The following ITPRIPL2 variants were observed in gnomAD, a reference collection of about 807,000 sequenced individuals.
The protein encoded by ITPRIPL2 is inositol 1,4,5-trisphosphate receptor-interacting protein-like 2.
Under a neutral mutation model 31.7 loss-of-function variants are expected in ITPRIPL2, and 29 were observed. That is an observed-to-expected ratio of 0.91 (90% CI 0.68 to 1.25). ITPRIPL2 has a LOEUF of 1.25. Ranked by LOEUF, ITPRIPL2 falls within the 50% of genes most tolerant of loss-of-function variation. The probability of loss-of-function intolerance (pLI) is 0.00; values close to 1 mark genes in which losing one functional copy is unlikely to be tolerated. For synonymous variants in ITPRIPL2, 344 were observed against 343.4 expected (o/e 1.00, Z -0.02); for missense variants, 696 against 739.1 (o/e 0.94, Z 0.68).
Position 19,116,838 on chromosome 16 carries a change from C to G in ITPRIPL2, c.*769C>G, listed in dbSNP as rs1005527210. ...CCAGTTATATTTATTATTAAATGTA[C>G]AACCTTGAAAAGCAGCCAGCATGCT... On this transcript the variant is annotated 3_prime_UTR_variant, in exon 1 of 1. Coordinates refer to ENST00000381440, the MANE Select transcript of ITPRIPL2 (RefSeq NM_001034841.4). 2.4e-5 allele frequency: 4 copies of G among 167,082 alleles called. No homozygotes were observed. The highest frequency in any genetic ancestry group is 2.1e-4 in the South Asian group (1 of 4,830). The allele number at this position is 167,082 out of a possible 1,614,324, so 10.3% of individuals were successfully genotyped here.
Position 19,114,778 on chromosome 16 carries a change from A to G in ITPRIPL2, c.317A>G (p.Glu106Gly). 1.2e-6 allele frequency: 2 copies of G among 1,612,242 alleles called. No homozygotes were observed. Among genetic ancestry groups the G allele is most frequent in the African/African-American group, 2.7e-5 (2 of 75,032 alleles). ...AGCATCCTGCTGGAGAGTTACTACGAGCATGAGGTGCGCCTGTCTCCGCAC... is the reference window on the plus strand; with the variant it reads ...AGCATCCTGCTGGAGAGTTACTACGGGCATGAGGTGCGCCTGTCTCCGCAC... ...GLSILLESYYEHEVRLSPHVL... is the reference protein window; with the variant it reads ...GLSILLESYYGHEVRLSPHVL... The change falls in exon 1 of 1, where the codon GAG becomes GGG. Residue 106 changes from glutamate (E) to glycine (G), a missense_variant. By Grantham distance (98) the Glu-to-Gly change is moderately conservative. Transcript: ENST00000381440.
Position 19,118,952 on chromosome 16 carries a change from C to G in ITPRIPL2, c.*2883C>G. 2.4e-6 allele frequency: 1 copy of G among 413,458 alleles called. No individual in the cohort carries two copies. Among genetic ancestry groups the G allele is most frequent in the East Asian group, 3.6e-5 (1 of 28,084 alleles). 25.6% of individuals were successfully genotyped at this position (413,458 alleles called of 1,614,324 possible). On this transcript the variant is annotated 3_prime_UTR_variant, in exon 1 of 1. Transcript: ENST00000381440. The stretch of plus-strand genomic sequence containing the variant: ...ACACATTTTTGGTGTATGCTTGGTA[C>G]TGGAGATTCATATATGCAAATATTC...
chr16:19,114,522 A>C lies in ITPRIPL2; in HGVS notation c.61A>C (p.Thr21Pro). ...VFWPLVTGLC[T>P]ALVCLYHVLR... ...CTGGCCCCTGGTGACCGGCCTGTGC[A>C]CCGCCCTGGTGTGCCTCTACCATGT... is the stretch of plus-strand genomic sequence containing the variant. Residue 21 changes from threonine to proline, a missense_variant, in exon 1 of 1, where the codon ACC becomes CCC. Coordinates refer to ENST00000381440, the MANE Select transcript of ITPRIPL2 (RefSeq NM_001034841.4). 4.1e-6 allele frequency: 6 copies of C among 1,475,672 alleles called. No individual in the cohort carries two copies. Among genetic ancestry groups the C allele is most frequent in the Non-Finnish European group, 4.5e-6 (5 of 1,113,810 alleles). The allele number at this position is 1,475,672 out of a possible 1,614,324, so 91.4% of individuals were successfully genotyped here.
chr16:19,120,626 T>TATATATATATATATATATATATATA lies in ITPRIPL2; in HGVS notation c.*4557_*4558insATATATATATATATATATATATATA, dbSNP rs1491422145. 1 of 83,740 alleles carries TATATATATATATATATATATATATA rather than the reference T, an allele frequency of 1.2e-5. No individual in the cohort carries two copies. Among genetic ancestry groups the TATATATATATATATATATATATATA allele is most frequent in the African/African-American group, 6.4e-5 (1 of 15,630 alleles). 5.2% of individuals were successfully genotyped at this position (83,740 alleles called of 1,614,324 possible). On this transcript the variant is annotated 3_prime_UTR_variant, in exon 1 of 1. Transcript: ENST00000381440. ...TAATATATATATATATATATATATATTTTTTTTTTTTTTTTTTAGTAGAGA... is the reference window on the plus strand; with the variant it reads ...TAATATATATATATATATATATATATATATATATATATATATATATATATATTTTTTTTTTTTTTTTTAGTAGAGA...
In ITPRIPL2 at chr16:19,114,642, T is replaced by G; in HGVS notation, c.181T>G (p.Tyr61Asp). Residue 61 changes from tyrosine (Y) to aspartate (D), a missense_variant, in exon 1 of 1, where the codon TAT becomes GAT. Transcript: ENST00000381440. ...GGTGGCCGTCCTGCTCCTCCTCAGCTATGTCCTCCTGCGCTGTCGCCACGC... is the reference window on the plus strand; with the variant it reads ...GGTGGCCGTCCTGCTCCTCCTCAGCGATGTCCTCCTGCGCTGTCGCCACGC... The part of the protein sequence containing the change: ...LKVAVLLLLS[Y>D]VLLRCRHAVR... 1.2e-6 allele frequency: 2 copies of G among 1,605,290 alleles called. No individual in the cohort carries two copies. Among genetic ancestry groups the G allele is most frequent in the Non-Finnish European group, 1.7e-6 (2 of 1,176,550 alleles).
Position 19,114,364 on chromosome 16 carries a change from C to A in ITPRIPL2, c.-98C>A. The A allele has an allele frequency of 1.0e-6, 1 of 975,776 alleles. No homozygotes were observed. Among genetic ancestry groups the A allele is most frequent in the Non-Finnish European group, 1.3e-6 (1 of 749,508 alleles). The allele number at this position is 975,776 out of a possible 1,614,324, so 60.4% of individuals were successfully genotyped here. On this transcript the variant is annotated 5_prime_UTR_variant, in exon 1 of 1. Coordinates refer to ENST00000381440, the MANE Select transcript of ITPRIPL2 (RefSeq NM_001034841.4). ...GCCGCCGCGGAGGAGGAGACGGGGA[C>A]AGCGGGGCTGCCCGGGCGCTGTGCG...
chr16:19,118,884 C>G lies in ITPRIPL2; in HGVS notation c.*2815C>G. 1 of 412,438 alleles carries G rather than the reference C, an allele frequency of 2.4e-6. No individual in the cohort carries two copies. The highest frequency in any genetic ancestry group is 4.4e-6 in the Non-Finnish European group (1 of 225,846). The allele number at this position is 412,438 out of a possible 1,614,324, so 25.5% of individuals were successfully genotyped here. On this transcript the variant is annotated 3_prime_UTR_variant, in exon 1 of 1. Coordinates refer to ENST00000381440, the MANE Select transcript of ITPRIPL2 (RefSeq NM_001034841.4). ...CAAGACAGTTAAATTAAGCTCAATTCTGTATTTTATTAGGGCTCTGTTATG... is the reference window on the plus strand; with the variant it reads ...CAAGACAGTTAAATTAAGCTCAATTGTGTATTTTATTAGGGCTCTGTTATG...
rs1316346765 is a variant in ITPRIPL2, at chr16:19,114,558, A to G, written c.97A>G (p.Ser33Gly). 1 of 1,539,296 alleles carries G rather than the reference A, an allele frequency of 6.5e-7. No individual in the cohort carries two copies. Among genetic ancestry groups the G allele is most frequent in the Admixed American group, 2.0e-5 (1 of 50,806 alleles). ...LVCLYHVLRG[S>G]GGARAEPADG... is the part of the protein sequence containing the mutation. ...GTGCCTCTACCATGTCCTGCGGGGA[A>G]GCGGGGGCGCCCGGGCCGAGCCCGC... Residue 33 changes from serine to glycine, a missense_variant, in exon 1 of 1, where the codon AGC becomes GGC. By Grantham distance (56) the Ser-to-Gly change is moderately conservative (BLOSUM62 0). Coordinates refer to ENST00000381440, the MANE Select transcript of ITPRIPL2 (RefSeq NM_001034841.4).
chr16:19,121,085 TA>T lies in ITPRIPL2; in HGVS notation c.*5017del, dbSNP rs989991683. On this transcript the variant is annotated 3_prime_UTR_variant, in exon 1 of 1. Transcript: ENST00000381440. ...TAAATCACTTGTTTAGATACAACTT[TA>T]TTTTTTTATACCTACATAGCACATG... 2 of 166,898 alleles carry T rather than the reference TA, an allele frequency of 1.2e-5. No individual in the cohort carries two copies. Among genetic ancestry groups the T allele is most frequent in the African/African-American group, 4.8e-5 (2 of 41,424 alleles). The allele number at this position is 166,898 out of a possible 1,614,324, so 10.3% of individuals were successfully genotyped here.
rs1305118689 is a variant in ITPRIPL2 at position 19,121,465 on chromosome 16, T to C, written c.*5396T>C. ...TGGTTCAGCTGCTACAATTGTATGA[T>C]TCAAAGGCAATTTAATCACCCCAAA... On this transcript the variant is annotated 3_prime_UTR_variant, in exon 1 of 1. Transcript: ENST00000381440. 6.0e-6 allele frequency: 1 copy of C among 167,062 alleles called. No individual in the cohort carries two copies. Among genetic ancestry groups the C allele is most frequent in the African/African-American group, 2.4e-5 (1 of 41,450 alleles). The allele number at this position is 167,062 out of a possible 1,614,324, so 10.3% of individuals were successfully genotyped here.
At position 19,115,254 on chromosome 16, in the gene ITPRIPL2, A is replaced by G. The variant is rs200962123; in HGVS notation, c.793A>G (p.Thr265Ala). The stretch of plus-strand genomic sequence containing the variant: ...GTCGCATCTGCAGCGCTCCTTGGCC[A>G]CTGTGCGTTACAGCCTGGAGGGGCG... ...FQSHLQRSLA[T>A]VRYSLEGRCR... The change falls in exon 1 of 1, where the codon ACT (threonine) becomes GCT (alanine). Residue 265 changes from threonine to alanine, a missense_variant. Thr to Ala is a moderately conservative substitution (Grantham distance 58). Coordinates refer to ENST00000381440, the MANE Select transcript of ITPRIPL2 (RefSeq NM_001034841.4). 59 of 1,611,886 alleles carry G rather than the reference A, an allele frequency of 3.7e-5. No homozygotes were observed. The East Asian group carries it at 1.3e-3, about 35-fold the overall frequency.
Position 19,115,571 on chromosome 16 carries a change from C to T in ITPRIPL2, c.1110C>T (p.Ala370=), listed in dbSNP as rs1484083179. The T allele has an allele frequency of 2.5e-6, 4 of 1,604,096 alleles. No individual in the cohort carries two copies. Among genetic ancestry groups the T allele is most frequent in the Admixed American group, 1.7e-5 (1 of 59,872 alleles). Reference sequence around the variant, plus strand: ...TGCAGGAACGGGCAGCTCCAGGTGCCTGCTACCTCAAGTGCCTGCAGTTGC... The same window carrying T: ...TGCAGGAACGGGCAGCTCCAGGTGCTTGCTACCTCAAGTGCCTGCAGTTGC... ...SWLQERAAPG[A]CYLKCLQLLK... The change falls in exon 1 of 1, where the codon GCC becomes GCT. Residue 370 remains alanine, a synonymous_variant. Coordinates refer to ENST00000381440, the MANE Select transcript of ITPRIPL2 (RefSeq NM_001034841.4).
rs529339023 is a variant in ITPRIPL2 at position 19,120,625 on chromosome 16, A to ATTTTTTTT, written c.*4567_*4574dup. ...CTAATATATATATATATATATATAT[A>ATTTTTTTT]TTTTTTTTTTTTTTTTTTAGTAGAG... On this transcript the variant is annotated 3_prime_UTR_variant, in exon 1 of 1. Transcript: ENST00000381440. 1 of 92,166 alleles carries ATTTTTTTT rather than the reference A, an allele frequency of 1.1e-5. No homozygotes were observed. The highest frequency in any genetic ancestry group is 5.0e-5 in the African/African-American group (1 of 20,038). The allele number at this position is 92,166 out of a possible 1,614,324, so 5.7% of individuals were successfully genotyped here.
In ITPRIPL2 at chr16:19,115,300, C is replaced by A. The variant is rs758376226; in HGVS notation, c.839C>A (p.Pro280Gln). 1.2e-6 allele frequency: 2 copies of A among 1,613,284 alleles called. No individual in the cohort carries two copies. The highest frequency in any genetic ancestry group is 1.1e-5 in the South Asian group (1 of 91,088). ...GGGCGCTGTCGGGTCACCTTGACCC[C>A]AGGTGGCCTGGAACAGCCCCCCACC... Reference protein sequence around the residue: ...LEGRCRVTLTPGGLEQPPTLH... With the variant: ...LEGRCRVTLTQGGLEQPPTLH... The change falls in exon 1 of 1, where the codon CCA (proline) becomes CAA (glutamine). Residue 280 changes from proline (P) to glutamine (Q), a missense_variant. Coordinates refer to ENST00000381440, the MANE Select transcript of ITPRIPL2 (RefSeq NM_001034841.4).
chr16:19,119,894 C>T lies in ITPRIPL2; in HGVS notation c.*3825C>T, dbSNP rs955095009. On this transcript the variant is annotated 3_prime_UTR_variant, in exon 1 of 1. Coordinates refer to ENST00000381440, the MANE Select transcript of ITPRIPL2 (RefSeq NM_001034841.4). ...TTTGGGGTAAACTTCTTTGCTCTGTCGGAGTTTGCAGATGAGTAATCAGAA... is the reference window on the plus strand; with the variant it reads ...TTTGGGGTAAACTTCTTTGCTCTGTTGGAGTTTGCAGATGAGTAATCAGAA... The T allele has an allele frequency of 2.4e-5, 4 of 166,962 alleles. No individual in the cohort carries two copies. The highest frequency in any genetic ancestry group is 2.1e-4 in the South Asian group (1 of 4,826). The allele number at this position is 166,962 out of a possible 1,614,324, so 10.3% of individuals were successfully genotyped here. A position where few individuals can be genotyped will look rare whatever the true frequency, so the allele number is the denominator to read the frequency against.
rs567808805 is a variant in ITPRIPL2, at chr16:19,114,179, G to A, written c.-283G>A. 2.1e-3 allele frequency: 721 copies of A among 336,568 alleles called. 5 individuals carry two copies. Among genetic ancestry groups the A allele is most frequent in the African/African-American group, 0.014 (661 of 46,398 alleles). The allele number at this position is 336,568 out of a possible 1,614,324, so 20.8% of individuals were successfully genotyped here. ...CTGGCCGACGGCGGCGCGCGGGGGCGCCGGGCGGGGAGGGCCGCTGGGCCG... is the reference window on the plus strand; with the variant it reads ...CTGGCCGACGGCGGCGCGCGGGGGCACCGGGCGGGGAGGGCCGCTGGGCCG... On this transcript the variant is annotated 5_prime_UTR_variant, in exon 1 of 1. Transcript: ENST00000381440.
In ITPRIPL2 at chr16:19,116,419, C is replaced by G. The variant is rs1176704037; in HGVS notation, c.*350C>G. On this transcript the variant is annotated 3_prime_UTR_variant, in exon 1 of 1. Transcript: ENST00000381440. Reference sequence around the variant, plus strand: ...GAACTAGCTGCAGGGAAAGTTCCTTCTGTCGGTTTTTAGACACAGATCTCT... The same window carrying G: ...GAACTAGCTGCAGGGAAAGTTCCTTGTGTCGGTTTTTAGACACAGATCTCT... 1.5e-5 allele frequency: 4 copies of G among 268,164 alleles called. No individual in the cohort carries two copies. The Admixed American group carries it at 2.2e-4, about 15-fold the overall frequency. The allele number at this position is 268,164 out of a possible 1,614,324, so 16.6% of individuals were successfully genotyped here.
In ITPRIPL2 at chr16:19,115,206, A is replaced by C; in HGVS notation, c.745A>C (p.Thr249Pro). Residue 249 changes from threonine to proline, a missense_variant, in exon 1 of 1, where the codon ACT (threonine) becomes CCT (proline). Transcript: ENST00000381440. ...GCGCGGGCGGCGTCACCTCTCTGCT[A>C]CTCTGGTGCTGCGCTGGTTCCAGTC... The part of the protein sequence containing the change: ...DVRGRRHLSA[T>P]LVLRWFQSHL... The C allele has an allele frequency of 6.2e-7, 1 of 1,608,700 alleles. No homozygotes were observed. Among genetic ancestry groups the C allele is most frequent in the Non-Finnish European group, 8.5e-7 (1 of 1,179,922 alleles).
At position 19,116,702 on chromosome 16, in the gene ITPRIPL2, G is replaced by C. The variant is rs548333804; in HGVS notation, c.*633G>C. On this transcript the variant is annotated 3_prime_UTR_variant, in exon 1 of 1. Coordinates refer to ENST00000381440, the MANE Select transcript of ITPRIPL2 (RefSeq NM_001034841.4). The stretch of plus-strand genomic sequence containing the variant: ...ACAAGTTAAGTCACATAGATGGAAA[G>C]GCAATCGAGAGTTGGTTAGAGAAGC... The C allele has an allele frequency of 2.4e-5, 4 of 167,226 alleles. No homozygotes were observed. In the South Asian group the frequency reaches 8.3e-4, roughly 35 times the overall value. The allele number at this position is 167,226 out of a possible 1,614,324, so 10.4% of individuals were successfully genotyped here.
Sources: allele counts gnomAD v4.1 joint callset, GRCh38; gene constraint gnomAD v4.1.1; transcripts MANE v1.5; gene names NCBI Gene and HGNC (gene_info 2026-07-23, HGNC 2026-07-21).